RXRA: variants seen among roughly 807,000 people sequenced by gnomAD.
RXRA encodes retinoic acid receptor RXR-alpha.
A neutral mutation model predicts 44.5 loss-of-function variants in RXRA; 5 were observed. The observed-to-expected ratio is 0.11, with a 90% CI of 0.06 to 0.24. The LOEUF (loss-of-function observed/expected upper bound fraction) is 0.24, where lower values mean the gene tolerates loss of function less well. Among genes scored for constraint, RXRA ranks in the 10% least tolerant of loss-of-function variants. RXRA has a pLI of 1.00. For missense variants in RXRA, 412 were observed against 646.5 expected, an observed-to-expected ratio of 0.64 and a Z score of 3.93; for synonymous variants, 291 against 271.4, an observed-to-expected ratio of 1.07 and a Z score of -0.71.
rs181042003 is a variant in RXRA, at chr9:134,380,250, G to A, written c.29-21382G>A. 1,074 of 937,064 alleles carry A rather than the reference G, an allele frequency of 1.1e-3. 4 individuals are homozygous for A. Among genetic ancestry groups the A allele is most frequent in the South Asian group, 6.6e-3 (135 of 20,368 alleles). The allele number at this position is 937,064 out of a possible 1,614,324, so 58.0% of individuals were successfully genotyped here. On this transcript the variant is annotated intron_variant, in intron 1 of 9. Coordinates refer to ENST00000481739, the MANE Select transcript of RXRA (RefSeq NM_002957.6). ...GTCACGCCGATCCCAGGATGGGAGT[G>A]GGGGTGGCCGGGGCACTGTGAGCTG...
In RXRA at chr9:134,379,566, G is replaced by A. The variant is rs557036407; in HGVS notation, c.29-22066G>A. ...GTCTTGGTGGCTCGGCCTCATGGGGGGCTTGCTCCAGGCCTTGGGTGATGC... is the reference window on the plus strand; with the variant it reads ...GTCTTGGTGGCTCGGCCTCATGGGGAGCTTGCTCCAGGCCTTGGGTGATGC... On this transcript the variant is annotated intron_variant, in intron 1 of 9. Transcript: ENST00000481739. The A allele has an allele frequency of 8.4e-5, 83 of 985,514 alleles. No individual in the cohort carries two copies. In the African/African-American group the frequency reaches 1.4e-3, roughly 17 times the overall value. 61.0% of individuals were successfully genotyped at this position (985,514 alleles called of 1,614,324 possible).
chr9:134,376,519 G>A (rs1830559550), intron 1 of RXRA, among the ~76,000 whole-genome samples: 1 of 30,442 alleles, frequency 3.3e-5, no homozygotes, highest in African/African-American at 1.0e-4. Flanking sequence ...GGCAGCCCTG[G>A]GCTCATGACT....
At chr9:134,383,357 A>C (rs1441811167) in intron 1 of RXRA, among the ~76,000 whole-genome samples, 1 of 152,126 alleles carries the variant, frequency 6.6e-6, no homozygotes. Flanking sequence ...TCCAGGGGCC[A>C]GCACCAGACC....
At chr9:134,327,322 G>C (rs1673786914) in intron 1 of RXRA, among the ~76,000 whole-genome samples, 1 of 152,156 alleles carries the variant, frequency 6.6e-6, no homozygotes, top group South Asian at 2.1e-4. Context: ...TTGTGAGCAG[G>C]ACAGCGCAGA....
chr9:134,387,734 T>A (rs1047349655), intron 1 of RXRA, among the ~76,000 whole-genome samples: 1 of 152,208 alleles, frequency 6.6e-6, no homozygotes, highest in Non-Finnish European at 1.5e-5. Flanking sequence ...CGTGCCTGCC[T>A]CGCACACTTG....
intron 1 of RXRA, 55 bp downstream of exon 1, chr9:134,326,714 C>A (rs1261102427): frequency 1.3e-5 from 4 of 311,036 alleles, no homozygotes; most frequent in African/African-American, 7.2e-5. Flanking sequence ...GGCCGGCGGG[C>A]GGGAGGGGGC....
intron 2 of RXRA, among the ~76,000 whole-genome samples, chr9:134,406,963 C>T (rs1831061020): frequency 6.6e-6 from 1 of 152,202 alleles, no homozygotes; most frequent in South Asian, 2.1e-4. Flanking sequence ...ACACAGTGGC[C>T]ACCCGCTTCT....
chr9:134,381,387 C>G (rs1437603311), intron 1 of RXRA, among the ~76,000 whole-genome samples: 1 of 152,086 alleles, frequency 6.6e-6, no homozygotes, highest in African/African-American at 2.4e-5. Context: ...GGGGCTCTCT[C>G]AGGGCCGTCT....
At chr9:134,376,714 G>A (rs1406984163) in intron 1 of RXRA, among the ~76,000 whole-genome samples, 1 of 152,282 alleles carries the variant, frequency 6.6e-6, no homozygotes, top group Non-Finnish European at 1.5e-5. Context: ...TGCTCCTGGG[G>A]GAAGCTGGGC....
chr9:134,334,829 T>C (rs1829970919), intron 1 of RXRA, among the ~76,000 whole-genome samples: 1 of 152,228 alleles, frequency 6.6e-6, no homozygotes, highest in South Asian at 2.1e-4. Flanking sequence ...CCTGGGTTGC[T>C]GGCGTCCAGG....
Position 134,409,005 on chromosome 9 carries a change from G to A in RXRA, c.496G>A (p.Asp166Asn), listed in dbSNP as rs1831102833. Residue 166 changes from aspartate to asparagine, a missense_variant, in exon 4 of 10, where the codon GAC becomes AAC. Asp to Asn is a conservative substitution (Grantham distance 23, BLOSUM62 1). Around this residue, in one of 4 missense-constraint regions of RXRA, gnomAD observed 48 missense variants for 119.9 expected, o/e 0.40. Transcript: ENST00000481739. ...KGFFKRTVRKDLTYTCRDNKD... is the reference protein window; with the variant it reads ...KGFFKRTVRKNLTYTCRDNKD... Reference sequence around the variant, plus strand: ...CTTCTTCAAGCGGACGGTGCGCAAGGACCTGACCTACACCTGCCGCGACAA... The same window carrying A: ...CTTCTTCAAGCGGACGGTGCGCAAGAACCTGACCTACACCTGCCGCGACAA... 6.2e-7 allele frequency: 1 copy of A among 1,611,030 alleles called. No homozygotes were observed. Among genetic ancestry groups the A allele is most frequent in the Non-Finnish European group, 8.5e-7 (1 of 1,178,782 alleles).
Position 134,330,719 on chromosome 9 carries a change from G to T in RXRA, c.28+4060G>T, listed in dbSNP as rs147939828. 2.0e-5 allele frequency among the ~76,000 whole-genome samples: 3 copies of T among 152,234 alleles called. No individual in the cohort carries two copies. The East Asian group carries it at 5.8e-4, about 29-fold the overall frequency. ...CCAGGAAGAGGTTCTGACAGGTGGT[G>T]TCCCATTGCTGGGCGGGTGGTCAGG... On this transcript the variant is annotated intron_variant, in intron 1 of 9. Transcript: ENST00000481739.
chr9:134,335,802 G>A (rs1310870296), intron 1 of RXRA, among the ~76,000 whole-genome samples: 4 of 152,226 alleles, frequency 2.6e-5, no homozygotes, highest in African/African-American at 9.6e-5. Context: ...GTCCACTACT[G>A]GGAGGAACGG....
rs571776145 is a variant in RXRA, at chr9:134,367,437, T to C, written c.29-34195T>C. 6.6e-4 allele frequency among the ~76,000 whole-genome samples: 100 copies of C among 152,346 alleles called. 1 individual carries two copies. Among genetic ancestry groups the C allele is most frequent in the African/African-American group, 2.3e-3 (97 of 41,586 alleles). The stretch of plus-strand genomic sequence containing the variant: ...ACACTGAGTCTGCCTTGGGTTTCTC[T>C]TGCGTCCCCACATGCAGGGACGACG... On this transcript the variant is annotated intron_variant, in intron 1 of 9. Coordinates refer to ENST00000481739, the MANE Select transcript of RXRA (RefSeq NM_002957.6).
intron 9 of RXRA, among the ~76,000 whole-genome samples, chr9:134,435,570 G>A (rs1182697342): frequency 1.3e-5 from 2 of 152,194 alleles, no homozygotes; most frequent in South Asian, 4.1e-4. Flanking sequence ...CCCTGCACAA[G>A]GTGCCGTGGG....
At position 134,343,026 on chromosome 9, in the gene RXRA, A is replaced by G. The variant is rs1830105991; in HGVS notation, c.28+16367A>G. ...GACCTCCTTCTAGAGAGGCCCCAGC[A>G]GATTATGGGATTTTCACCTGCCCAG... On this transcript the variant is annotated intron_variant, in intron 1 of 9. Transcript: ENST00000481739. This position sits in a 1 kb window ranked among gnomAD's most constrained non-coding sequence, Gnocchi z 4.1. 6.6e-6 allele frequency among the ~76,000 whole-genome samples: 1 copy of G among 152,188 alleles called. No homozygotes were observed. The highest frequency in any genetic ancestry group is 6.5e-5 in the Admixed American group (1 of 15,286).
intron 1 of RXRA, among the ~76,000 whole-genome samples, chr9:134,329,362 T>C (rs1435428518): frequency 6.6e-6 from 1 of 152,216 alleles, no homozygotes; most frequent in East Asian, 1.9e-4. Flanking sequence ...GCGCGGGCGC[T>C]GCCCGACGGC....
At chr9:134,398,195 G>A (rs927754827) in intron 1 of RXRA, among the ~76,000 whole-genome samples, 4 of 152,158 alleles carry the variant, frequency 2.6e-5, no homozygotes, top group African/African-American at 9.7e-5. Context: ...GGCCAGGCTG[G>A]TCTTGAATTC....
At chr9:134,372,732 A>G (rs1830505830) in intron 1 of RXRA, among the ~76,000 whole-genome samples, 1 of 152,178 alleles carries the variant, frequency 6.6e-6, no homozygotes, top group South Asian at 2.1e-4. Context: ...CCGGGACTCT[A>G]CCACCTCAGA....
Sources: gnomAD v4.1 joint callset for allele counts (sites outside exome capture counted in the v4.1 genomes callset) on GRCh38, gnomAD v4.1.1 for gene constraint, gnomAD v4.1.1 regional missense constraint, Gnocchi (gnomAD v3.1) non-coding constraint, MANE v1.5 for transcripts, NCBI Gene and HGNC (gene_info 2026-07-23, HGNC 2026-07-21) for gene names.